CDKAL1: variants seen among roughly 807,000 people sequenced by gnomAD.
The protein encoded by CDKAL1 is CDKAL1 threonylcarbamoyladenosine tRNA methylthiotransferase.
In CDKAL1, 32 loss-of-function variants were observed where a neutral mutation model predicts 68.2. That is an observed-to-expected ratio of 0.47 (90% confidence interval 0.35 to 0.63). The LOEUF is 0.63. CDKAL1 is among the 30% of genes least tolerant of loss of function. CDKAL1 has a pLI of 0.00. For synonymous variants in CDKAL1, 234 were observed against 244.3 expected, an observed-to-expected ratio of 0.96 and a Z score of 0.39; for missense variants, 606 against 696.7, an observed-to-expected ratio of 0.87 and a Z score of 1.47.
At chr6:20,780,668 T>A (rs1483095527) in intron 7 of CDKAL1, among the ~76,000 whole-genome samples, 1 of 40,536 alleles carries the variant, frequency 2.5e-5, no homozygotes, top group Non-Finnish European at 6.4e-5. Context: ...TCATTTCTTT[T>A]TCTTTTTTTT....
rs762807371 is a variant in CDKAL1 at position 20,739,565 on chromosome 6, C to T, written c.418C>T (p.Pro140Ser). 6.2e-7 allele frequency: 1 copy of T among 1,613,404 alleles called. No individual in the cohort carries two copies. The highest frequency in any genetic ancestry group is 1.1e-5 in the South Asian group (1 of 91,006). ...GAAAATCGTACTGGCTGGATGCGTT[C>T]CTCAAGCCCAGCCTCGCCAGGACTA... ...NKKIVLAGCV[P>S]QAQPRQDYLK... Residue 140 changes from proline (P) to serine (S), a missense_variant, in exon 6 of 16, where the codon CCT becomes TCT. Physicochemically the swap from Pro to Ser is moderately conservative, Grantham distance 74. Transcript: ENST00000274695.
chr6:21,117,043 T>C (rs1168444498), intron 13 of CDKAL1, among the ~76,000 whole-genome samples: 1 of 152,132 alleles, frequency 6.6e-6, no homozygotes, highest in Non-Finnish European at 1.5e-5. Flanking sequence ...TGCACCCAGT[T>C]AAGATGTATC....
At chr6:20,905,015 A>G (rs1210916013) in intron 9 of CDKAL1, among the ~76,000 whole-genome samples, 6 of 152,200 alleles carry the variant, frequency 3.9e-5, no homozygotes, top group Non-Finnish European at 7.4e-5. Context: ...ATTAGATTCA[A>G]ATGTCCAGTT....
intron 9 of CDKAL1, among the ~76,000 whole-genome samples, chr6:20,938,919 T>C (rs1763850316): frequency 6.6e-6 from 1 of 152,190 alleles, no homozygotes; most frequent in South Asian, 2.1e-4. Context: ...ATCTGAGAAC[T>C]GCACCTGTAG....
chr6:21,107,902 C>T (rs936720801), intron 12 of CDKAL1, among the ~76,000 whole-genome samples: 1 of 152,204 alleles, frequency 6.6e-6, no homozygotes, highest in African/African-American at 2.4e-5. Flanking sequence ...GGCTATATAG[C>T]AGTGACACAG....
rs564056786 is a variant in CDKAL1, at chr6:20,709,552, A to G, written c.372-29967A>G. On this transcript the variant is annotated intron_variant, in intron 5 of 15. Transcript: ENST00000274695. Reference sequence around the variant, plus strand: ...CCTTTCTAGTGCTCATTGTCCCTAGACTCGATTTTACTACTTTATCAGTTA... The same window carrying G: ...CCTTTCTAGTGCTCATTGTCCCTAGGCTCGATTTTACTACTTTATCAGTTA... 8.0e-4 allele frequency among the ~76,000 whole-genome samples: 121 copies of G among 151,994 alleles called. 1 individual carries two copies. Among genetic ancestry groups the G allele is most frequent in the Non-Finnish European group, 1.4e-3 (96 of 67,948 alleles).
chr6:20,793,456 T>A (rs1241507551), intron 8 of CDKAL1, among the ~76,000 whole-genome samples: 1 of 152,144 alleles, frequency 6.6e-6, no homozygotes, highest in African/African-American at 2.4e-5. Context: ...AAGGCAAATT[T>A]TCCTGTTGTT....
At chr6:21,227,637 A>G (rs1168708880) in intron 15 of CDKAL1, among the ~76,000 whole-genome samples, 1 of 152,258 alleles carries the variant, frequency 6.6e-6, no homozygotes, top group Non-Finnish European at 1.5e-5. Context: ...TCTCTGCAGG[A>G]TGCAGGGTGC....
At chr6:21,084,488 C>T (rs898984331) in intron 12 of CDKAL1, among the ~76,000 whole-genome samples, 3 of 152,196 alleles carry the variant, frequency 2.0e-5, no homozygotes, top group South Asian at 4.1e-4. Context: ...AGGGGGAATT[C>T]GTAGGTCATA....
At chr6:20,595,006 T>C (rs926027184) in intron 4 of CDKAL1, among the ~76,000 whole-genome samples, 3 of 152,230 alleles carry the variant, frequency 2.0e-5, no homozygotes, top group Non-Finnish European at 4.4e-5. Context: ...GCCGCCACTC[T>C]CTGCTGACTT....
chr6:21,146,533 G>A (rs1193360073), intron 13 of CDKAL1, among the ~76,000 whole-genome samples: 1 of 152,072 alleles, frequency 6.6e-6, no homozygotes, highest in Non-Finnish European at 1.5e-5. Context: ...TGTTATTTGT[G>A]GGATAGACTG....
At chr6:20,619,279 A>C (rs149630685) in intron 4 of CDKAL1, among the ~76,000 whole-genome samples, 1 of 152,348 alleles carries the variant, frequency 6.6e-6, no homozygotes, top group East Asian at 1.9e-4. Context: ...GCAAGGCTTT[A>C]GTTAGGAGTA....
chr6:20,942,689 GCTCATGCCTGT>G (rs1764043504), intron 9 of CDKAL1, among the ~76,000 whole-genome samples: 1 of 148,166 alleles, frequency 6.7e-6, no homozygotes, highest in Non-Finnish European at 1.5e-5. Context: ...TTTAATGGTG[GCTCATGCCTGT>G]AATGCCAGCA....
chr6:20,729,807 G>A (rs1305103331), intron 5 of CDKAL1, among the ~76,000 whole-genome samples: 3 of 152,188 alleles, frequency 2.0e-5, no homozygotes, highest in African/African-American at 7.2e-5. Flanking sequence ...ATGACCGTAA[G>A]GTTCCTTTTT....
At chr6:20,566,935 C>G (rs917010892) in intron 4 of CDKAL1, among the ~76,000 whole-genome samples, 10 of 152,172 alleles carry the variant, frequency 6.6e-5, no homozygotes, top group African/African-American at 2.2e-4. Flanking sequence ...TCTTTATTAT[C>G]TTTCCTCATC....
chr6:20,682,517 G>A (rs1451238081), intron 5 of CDKAL1, among the ~76,000 whole-genome samples: 2 of 152,172 alleles, frequency 1.3e-5, no homozygotes, highest in African/African-American at 2.4e-5. Flanking sequence ...ACATGGCAGG[G>A]CAGGAGGAGA....
chr6:20,609,023 A>G (rs1766455954), intron 4 of CDKAL1, among the ~76,000 whole-genome samples: 1 of 152,186 alleles, frequency 6.6e-6, no homozygotes, highest in South Asian at 2.1e-4. Flanking sequence ...GTTATTAGAC[A>G]TTTATCATTG....
intron 9 of CDKAL1, among the ~76,000 whole-genome samples, chr6:20,936,211 T>TA (rs1286335596): frequency 6.6e-6 from 1 of 151,084 alleles, no homozygotes. Context: ...TACATTTTTT[T>TA]AAAAAAATTC....
intron 11 of CDKAL1, among the ~76,000 whole-genome samples, chr6:21,044,895 T>C (rs201321): frequency 0.43 from 66,034 of 151,992 alleles, 14,682 homozygotes; most frequent in South Asian, 0.54. Flanking sequence ...GGGAAGTCTA[T>C]GATCAAGGCA....
Sources: gnomAD v4.1 joint callset for allele counts (sites outside exome capture counted in the v4.1 genomes callset) on GRCh38, gnomAD v4.1.1 for gene constraint, MANE v1.5 for transcripts, NCBI Gene and HGNC (gene_info 2026-07-23, HGNC 2026-07-21) for gene names.